RBFOX1: variants seen among roughly 807,000 people sequenced by gnomAD.
RBFOX1 encodes the protein RNA binding protein fox-1 homolog 1.
In RBFOX1, 8 loss-of-function variants were observed where a neutral mutation model predicts 57.7. The ratio of observed to expected loss-of-function variants is 0.14; its 90% confidence interval spans 0.08 to 0.25. The LOEUF (loss-of-function observed/expected upper bound fraction) is 0.25. Ranked by LOEUF, RBFOX1 falls within the 10% of genes least tolerant of loss-of-function variation. The pLI is 1.00. For synonymous variants in RBFOX1, 326 were observed against 222.4 expected, an observed-to-expected ratio of 1.47 and a Z score of -4.15; for missense variants, 611 against 548.5, an observed-to-expected ratio of 1.11 and a Z score of -1.14.
intron 4 of RBFOX1, among the ~76,000 whole-genome samples, chr16:7,280,937 G>GCA (rs2095528249): frequency 6.7e-6 from 1 of 149,680 alleles, no homozygotes. Flanking sequence ...TGAATCAATT[G>GCA]CATGTGATTC....
intron 1 of RBFOX1, among the ~76,000 whole-genome samples, chr16:5,455,943 A>T (rs933753459): frequency 1.3e-5 from 2 of 152,166 alleles, no homozygotes; most frequent in African/African-American, 4.8e-5. Flanking sequence ...CAGTGTTTTT[A>T]TCAGGCATTG....
At chr16:6,541,996 G>A (rs1007085648) in intron 2 of RBFOX1, among the ~76,000 whole-genome samples, 4 of 151,584 alleles carry the variant, frequency 2.6e-5, no homozygotes, top group Non-Finnish European at 4.4e-5. Flanking sequence ...ACCCTTGCTG[G>A]AGTGCAGTAG....
intron 4 of RBFOX1, among the ~76,000 whole-genome samples, chr16:7,078,044 C>T (rs1044146717): frequency 6.6e-6 from 1 of 152,152 alleles, no homozygotes; most frequent in African/African-American, 2.4e-5. Flanking sequence ...CAGACAAACA[C>T]CTTTTGAGAT....
chr16:6,744,754 A>G (rs1220763209), intron 3 of RBFOX1, among the ~76,000 whole-genome samples: 1 of 152,108 alleles, frequency 6.6e-6, no homozygotes, highest in Non-Finnish European at 1.5e-5. Flanking sequence ...AAATGGTCTT[A>G]AATCACTTAC....
intron 3 of RBFOX1, among the ~76,000 whole-genome samples, chr16:5,700,725 C>G (rs1166011299): frequency 1.3e-5 from 2 of 152,318 alleles, no homozygotes; most frequent in Admixed American, 1.3e-4. Flanking sequence ...TAGAGCTTCT[C>G]AATCCTTCTG....
At chr16:7,219,499 T>G (rs2092553025) in intron 4 of RBFOX1, among the ~76,000 whole-genome samples, 1 of 152,218 alleles carries the variant, frequency 6.6e-6, no homozygotes, top group South Asian at 2.1e-4. Flanking sequence ...TGAAAGCTAC[T>G]GTTAGGTGTG....
At chr16:6,993,854 A>G (rs989941304) in intron 3 of RBFOX1, among the ~76,000 whole-genome samples, 1 of 152,168 alleles carries the variant, frequency 6.6e-6, no homozygotes, top group African/African-American at 2.4e-5. Context: ...TTGTGAAGCA[A>G]TACCACCTCT....
intron 4 of RBFOX1, among the ~76,000 whole-genome samples, chr16:7,430,397 C>T (rs189940711): frequency 6.6e-6 from 1 of 152,176 alleles, no homozygotes; most frequent in African/African-American, 2.4e-5. Flanking sequence ...CGCAGTGGCT[C>T]ATGCCTGTAA....
intron 4 of RBFOX1, among the ~76,000 whole-genome samples, chr16:7,250,316 G>T (rs142571890): frequency 5.3e-5 from 8 of 152,242 alleles, no homozygotes; most frequent in African/African-American, 1.4e-4. Context: ...CTGGGAGCGT[G>T]GGATGCTTAT....
chr16:7,198,405 T>C (rs1014793836), intron 4 of RBFOX1, among the ~76,000 whole-genome samples: 1 of 152,188 alleles, frequency 6.6e-6, no homozygotes, highest in Admixed American at 6.5e-5. Context: ...TGCTACTCAT[T>C]TGTACACTTA....
chr16:6,959,694 G>T (rs112925051), intron 3 of RBFOX1, among the ~76,000 whole-genome samples: 7,490 of 152,044 alleles, frequency 0.049, 275 homozygotes, highest in African/African-American at 0.09. Context: ...CTCTAAACTT[G>T]GGGAGGCTGA....
intron 3 of RBFOX1, among the ~76,000 whole-genome samples, chr16:6,866,049 G>T (rs765156933): frequency 4.6e-5 from 7 of 152,048 alleles, no homozygotes; most frequent in African/African-American, 1.7e-4. Flanking sequence ...GGAAAGAAAA[G>T]AGTAAATCAG....
chr16:6,849,797 T>A (rs1242825705), intron 3 of RBFOX1, among the ~76,000 whole-genome samples: 1 of 152,226 alleles, frequency 6.6e-6, no homozygotes, highest in African/African-American at 2.4e-5. Context: ...GCCACCTTGA[T>A]TTCTACCCAC....
chr16:6,833,428 A>G (rs2092855897), intron 3 of RBFOX1, among the ~76,000 whole-genome samples: 1 of 152,014 alleles, frequency 6.6e-6, no homozygotes, highest in Admixed American at 6.6e-5. Context: ...CGGCTTCCCA[A>G]AGTGTTGGGG....
chr16:7,304,258 C>T, intron 4 of RBFOX1: 7 of 983,462 alleles, frequency 7.1e-6, no homozygotes, highest in Non-Finnish European at 7.2e-6. Context: ...CAGCGCGAGC[C>T]ACCGGTCATT....
At chr16:6,184,330 G>A (rs533991197) in intron 1 of RBFOX1, among the ~76,000 whole-genome samples, 1 of 152,282 alleles carries the variant, frequency 6.6e-6, no homozygotes, top group East Asian at 1.9e-4. Context: ...TACTCTGGCT[G>A]CTGGGTGGAG....
intron 4 of RBFOX1, among the ~76,000 whole-genome samples, chr16:5,875,421 T>C (rs1268163091): frequency 1.3e-5 from 2 of 152,190 alleles, no homozygotes; most frequent in African/African-American, 2.4e-5. Context: ...GGCAAATGAC[T>C]TAATCTTTCT....
At chr16:7,671,726 T>C (rs1005263783) in intron 13 of RBFOX1, 5 of 850,386 alleles carry the variant, frequency 5.9e-6, no homozygotes, top group Non-Finnish European at 9.6e-6. Context: ...CTTAACTGAA[T>C]TTTCCAGTTT....
chr16:5,353,855 A>T (rs1414924615), intron 1 of RBFOX1, among the ~76,000 whole-genome samples: 1 of 152,066 alleles, frequency 6.6e-6, no homozygotes, highest in Non-Finnish European at 1.5e-5. Context: ...GGATACAGAG[A>T]TCAACAAGAC....
Sources: gnomAD v4.1 joint callset for allele counts (sites outside exome capture counted in the v4.1 genomes callset) on GRCh38, gnomAD v4.1.1 for gene constraint, MANE v1.5 for transcripts, NCBI Gene and HGNC (gene_info 2026-07-23, HGNC 2026-07-21) for gene names.